The following GNAQ variants were observed in gnomAD, a reference collection of about 807,000 sequenced individuals.
The protein encoded by GNAQ is G protein subunit alpha q, also known as guanine nucleotide-binding protein G(q) subunit alpha.
GNAQ carries 8 observed loss-of-function variants against 43.9 expected under a neutral mutation model. The ratio of observed to expected loss-of-function variants is 0.18; its 90% CI spans 0.11 to 0.33. The LOEUF is 0.33. GNAQ is among the 10% of genes least tolerant of loss of function. GNAQ has a pLI of 1.00. For synonymous variants in GNAQ, 155 were observed against 170.7 expected, an observed-to-expected ratio of 0.91 and a Z score of 0.71; for missense variants, 158 against 450.8, an observed-to-expected ratio of 0.35 and a Z score of 5.88.
At chr9:77,798,176 T>A (rs1449519894) in intron 3 of GNAQ, among the ~76,000 whole-genome samples, 1 of 152,210 alleles carries the variant, frequency 6.6e-6, no homozygotes, top group Non-Finnish European at 1.5e-5. Context: ...TCATTCATGA[T>A]TAATGTGAAG....
chr9:77,970,926 CA>C (rs1823230011), intron 1 of GNAQ, among the ~76,000 whole-genome samples: 2 of 152,012 alleles, frequency 1.3e-5, no homozygotes, highest in African/African-American at 2.4e-5. Context: ...ATCGATGCAA[CA>C]AAAAATGATA....
intron 2 of GNAQ, among the ~76,000 whole-genome samples, chr9:77,883,068 A>G (rs191503529): frequency 1.3e-3 from 196 of 152,356 alleles, no homozygotes; most frequent in African/African-American, 4.5e-3. Flanking sequence ...ACCATCTTAC[A>G]AGAGAACAGA....
chr9:77,993,905 G>A (rs1056405047), intron 1 of GNAQ, among the ~76,000 whole-genome samples: 3 of 151,948 alleles, frequency 2.0e-5, no homozygotes, highest in Non-Finnish European at 2.9e-5. Flanking sequence ...TAACTAGTCA[G>A]GTATAAAAAA....
chr9:77,908,633 G>A (rs945082693), intron 2 of GNAQ, among the ~76,000 whole-genome samples: 8 of 152,130 alleles, frequency 5.3e-5, no homozygotes, highest in Non-Finnish European at 8.8e-5. Flanking sequence ...TCACATTTCC[G>A]ACAAGGCATA....
chr9:77,820,045 G>A (rs1040966578), intron 2 of GNAQ, among the ~76,000 whole-genome samples: 6 of 125,524 alleles, frequency 4.8e-5, no homozygotes, highest in Admixed American at 8.9e-5. Flanking sequence ...TAAAATACTC[G>A]AAGAAGAGCC....
intron 2 of GNAQ, among the ~76,000 whole-genome samples, chr9:77,918,277 C>T (rs1441553836): frequency 1.3e-5 from 2 of 152,144 alleles, no homozygotes; most frequent in South Asian, 4.1e-4. Flanking sequence ...TTTATTTATG[C>T]TACTATAGAT....
At chr9:77,906,173 T>G (rs867027147) in intron 2 of GNAQ, among the ~76,000 whole-genome samples, 4 of 152,322 alleles carry the variant, frequency 2.6e-5, no homozygotes, top group Middle Eastern at 3.4e-3. Context: ...CAGAACAACC[T>G]AAGATAACAG....
At chr9:77,740,389 T>C (rs936321122) in intron 5 of GNAQ, among the ~76,000 whole-genome samples, 2 of 152,156 alleles carry the variant, frequency 1.3e-5, no homozygotes, top group Non-Finnish European at 2.9e-5. Context: ...TGTAAGCATA[T>C]GGTGAGCATT....
rs1825308149 is a variant in GNAQ at position 77,721,308 on chromosome 9, G to A, written c.*15C>T. On this transcript the variant is annotated 3_prime_UTR_variant, in exon 7 of 7. Coordinates refer to ENST00000286548, the MANE Select transcript of GNAQ (RefSeq NM_002072.5). ...CCCACCAGGGAAGGGCAGGGCGGGT[G>A]TCTAGGAGGCACAATTAGACCAGAT... 2.5e-6 allele frequency: 4 copies of A among 1,573,264 alleles called. No individual in the cohort carries two copies. The highest frequency in any genetic ancestry group is 3.5e-6 in the Non-Finnish European group (4 of 1,150,940).
At chr9:77,853,746 C>CA (rs1282659119) in intron 2 of GNAQ, among the ~76,000 whole-genome samples, 1 of 101,934 alleles carries the variant, frequency 9.8e-6, no homozygotes, top group African/African-American at 3.9e-5. Context: ...CAGCGGATTT[C>CA]AATTTAGGAT....
intron 1 of GNAQ, among the ~76,000 whole-genome samples, chr9:78,022,805 G>A (rs1424633621): frequency 6.6e-6 from 1 of 152,176 alleles, no homozygotes; most frequent in South Asian, 2.1e-4. Flanking sequence ...GCAAAGCGCA[G>A]GTCCTAAATA....
chr9:77,758,679 C>T (rs1587901439), intron 5 of GNAQ, among the ~76,000 whole-genome samples: 1 of 152,104 alleles, frequency 6.6e-6, no homozygotes, highest in Non-Finnish European at 1.5e-5. Flanking sequence ...AATGGTAGCA[C>T]ATGTATTGCC....
chr9:77,778,828 G>A (rs1457706687), intron 5 of GNAQ, among the ~76,000 whole-genome samples: 3 of 151,918 alleles, frequency 2.0e-5, no homozygotes, highest in African/African-American at 7.2e-5. Flanking sequence ...AGTAAGGAAA[G>A]TTATTAGGCC....
At chr9:77,723,177 A>G (rs1825344988) in intron 6 of GNAQ, among the ~76,000 whole-genome samples, 1 of 152,268 alleles carries the variant, frequency 6.6e-6, no homozygotes, top group African/African-American at 2.4e-5. Flanking sequence ...AATCATTTAG[A>G]AAAATGCATA....
At chr9:77,822,305 C>T (rs550289063) in intron 2 of GNAQ, among the ~76,000 whole-genome samples, 1 of 152,142 alleles carries the variant, frequency 6.6e-6, no homozygotes, top group Non-Finnish European at 1.5e-5. Flanking sequence ...TTTATACCAA[C>T]AAAACAACTC....
intron 5 of GNAQ, among the ~76,000 whole-genome samples, chr9:77,781,658 C>T (rs1324536924): frequency 6.6e-6 from 1 of 151,936 alleles, no homozygotes; most frequent in Non-Finnish European, 1.5e-5. Context: ...AATAATTATA[C>T]ACCACAGCCA....
intron 1 of GNAQ, among the ~76,000 whole-genome samples, chr9:78,001,135 G>A (rs1823638758): frequency 6.6e-6 from 1 of 152,176 alleles, no homozygotes; most frequent in Non-Finnish European, 1.5e-5. Flanking sequence ...GGTGGCTCAT[G>A]CCTGTAAATC....
intron 5 of GNAQ, among the ~76,000 whole-genome samples, chr9:77,760,895 C>CA: frequency 6.7e-6 from 1 of 148,248 alleles, no homozygotes; most frequent in South Asian, 2.2e-4. Context: ...TCTGCCCGGT[C>CA]GCGACCCCGT....
chr9:77,894,181 T>A (rs1828449040), intron 2 of GNAQ, among the ~76,000 whole-genome samples: 1 of 151,346 alleles, frequency 6.6e-6, no homozygotes, highest in African/African-American at 2.4e-5. Context: ...TCATGTTATT[T>A]CTCTGTTATC....
Sources: gnomAD v4.1 joint callset for allele counts (sites outside exome capture counted in the v4.1 genomes callset) on GRCh38, gnomAD v4.1.1 for gene constraint, MANE v1.5 for transcripts, NCBI Gene and HGNC (gene_info 2026-07-23, HGNC 2026-07-21) for gene names.